XYLT1: variants seen among roughly 807,000 people sequenced by gnomAD.
XYLT1 encodes the protein xylosyltransferase 1, also known as beta-D-xylosyltransferase 1.
In XYLT1, 36 loss-of-function variants were observed where a neutral mutation model predicts 91.3. That is an observed-to-expected ratio of 0.39 (90% CI 0.30 to 0.52). The LOEUF (loss-of-function observed/expected upper bound fraction) is 0.52. XYLT1 is among the 20% of genes least tolerant of loss of function. The pLI, the probability that XYLT1 is intolerant of heterozygous loss-of-function variation, is 0.68. For synonymous variants in XYLT1, 588 were observed against 532.0 expected (o/e 1.11, Z -1.45); for missense variants, 1,242 against 1,284.5 (o/e 0.97, Z 0.51).
intron 6 of XYLT1, among the ~76,000 whole-genome samples, chr16:17,156,793 G>A (rs2031417872): frequency 6.6e-6 from 1 of 152,168 alleles, no homozygotes; most frequent in South Asian, 2.1e-4. Context: ...AATTTACAGA[G>A]CATCTTCAAG....
In XYLT1 at chr16:17,134,534, C is replaced by A. The variant is rs2141506845; in HGVS notation, c.1966G>T (p.Ala656Ser). The change falls in exon 9 of 12, where the codon GCC (alanine) becomes TCC (serine). Residue 656 changes from alanine to serine, a missense_variant. This residue lies in a region of XYLT1 where 511 missense variants were observed against 497.0 expected (regional missense o/e 1.03). Coordinates refer to ENST00000261381, the MANE Select transcript of XYLT1 (RefSeq NM_022166.4). ...TCGGCCCGTCGAAGACCCAGGCGGG[C>A]AAAGGAGTGGTACAAGGTGAGTGTC... Reference protein sequence around the residue: ...DVTLTLYHSFARLGLRRAETS... With the variant: ...DVTLTLYHSFSRLGLRRAETS... 1.2e-6 allele frequency: 2 copies of A among 1,614,152 alleles called. No individual in the cohort carries two copies. Among genetic ancestry groups the A allele is most frequent in the East Asian group, 4.5e-5 (2 of 44,882 alleles).
At chr16:17,254,532 T>G (rs1306741471) in intron 3 of XYLT1, among the ~76,000 whole-genome samples, 2 of 152,074 alleles carry the variant, frequency 1.3e-5, no homozygotes, top group African/African-American at 2.4e-5. Context: ...GTAGCTGGGA[T>G]TACAGGCATG....
At chr16:17,456,810 T>C (rs1053578480) in intron 1 of XYLT1, among the ~76,000 whole-genome samples, 2 of 152,226 alleles carry the variant, frequency 1.3e-5, no homozygotes, top group Non-Finnish European at 2.9e-5. Flanking sequence ...ACCCTCTCTA[T>C]GCCTCAATTT....
At chr16:17,366,440 A>G (rs1395160180) in intron 1 of XYLT1, among the ~76,000 whole-genome samples, 1 of 152,238 alleles carries the variant, frequency 6.6e-6, no homozygotes, top group Non-Finnish European at 1.5e-5. Flanking sequence ...TTGTGGCTCA[A>G]GCCTGTAATC....
rs75426053 is a variant in XYLT1, at chr16:17,416,579, C to T, written c.363+53855G>A. ...TGTGCAGCTAGGAGGCTGCCACGCACATCGGCAGACTCTGGCTTTCAAAAT... is the reference window on the plus strand; with the variant it reads ...TGTGCAGCTAGGAGGCTGCCACGCATATCGGCAGACTCTGGCTTTCAAAAT... On this transcript the variant is annotated intron_variant, in intron 1 of 11. Coordinates refer to ENST00000261381, the MANE Select transcript of XYLT1 (RefSeq NM_022166.4). Among the ~76,000 whole-genome samples, 5 of 152,330 alleles carry T rather than the reference C, an allele frequency of 3.3e-5. No individual in the cohort carries two copies. In the East Asian group the frequency reaches 7.7e-4, roughly 24 times the overall value.
intron 1 of XYLT1, among the ~76,000 whole-genome samples, chr16:17,383,887 A>G (rs2035714636): frequency 6.6e-6 from 1 of 151,532 alleles, no homozygotes; most frequent in Non-Finnish European, 1.5e-5. Context: ...AGCTGGGATT[A>G]TAGGTGCCCG....
At chr16:17,425,272 A>C (rs904681414) in intron 1 of XYLT1, among the ~76,000 whole-genome samples, 2 of 152,172 alleles carry the variant, frequency 1.3e-5, no homozygotes, top group Non-Finnish European at 2.9e-5. Flanking sequence ...CTGTGTGCTT[A>C]ACTCCCCACT....
intron 2 of XYLT1, among the ~76,000 whole-genome samples, chr16:17,295,642 C>T (rs2034298735): frequency 6.6e-6 from 1 of 152,200 alleles, no homozygotes; most frequent in South Asian, 2.1e-4. Context: ...AGGCGTGAGC[C>T]ACCACACCCG....
intron 3 of XYLT1, among the ~76,000 whole-genome samples, chr16:17,244,805 C>T (rs530667063): frequency 6.6e-6 from 1 of 152,270 alleles, no homozygotes; most frequent in Admixed American, 6.5e-5. Flanking sequence ...TGTGGTGTAT[C>T]CATACCCAGA....
At chr16:17,143,856 TCAC>T (rs1225288998) in intron 6 of XYLT1, among the ~76,000 whole-genome samples, 4 of 147,912 alleles carry the variant, frequency 2.7e-5, no homozygotes, top group African/African-American at 5.3e-5. Flanking sequence ...ACCATCATCA[TCAC>T]AATTTCCATT....
At chr16:17,183,800 C>G (rs1217298930) in intron 5 of XYLT1, among the ~76,000 whole-genome samples, 2 of 152,098 alleles carry the variant, frequency 1.3e-5, no homozygotes, top group Non-Finnish European at 2.9e-5. Context: ...AGGGTGGGAG[C>G]AAGGGAGAGA....
chr16:17,187,356 T>G (rs1157880593), intron 5 of XYLT1, among the ~76,000 whole-genome samples: 1 of 135,424 alleles, frequency 7.4e-6, no homozygotes, highest in Non-Finnish European at 1.5e-5. Flanking sequence ...ATCACGCCAT[T>G]GCACTCCAGC....
intron 2 of XYLT1, among the ~76,000 whole-genome samples, chr16:17,302,904 G>A (rs1258259682): frequency 6.6e-6 from 1 of 152,042 alleles, no homozygotes; most frequent in Non-Finnish European, 1.5e-5. Flanking sequence ...GTGAGGGGGA[G>A]AGAAAAGAGA....
intron 9 of XYLT1, among the ~76,000 whole-genome samples, chr16:17,131,018 G>T (rs2030449664): frequency 6.6e-6 from 1 of 151,994 alleles, no homozygotes; most frequent in South Asian, 2.1e-4. Flanking sequence ...TGGTTTACTT[G>T]TGCTTAGGTA....
chr16:17,263,352 G>A (rs1006575831), intron 2 of XYLT1, among the ~76,000 whole-genome samples: 2 of 151,994 alleles, frequency 1.3e-5, no homozygotes, highest in African/African-American at 4.8e-5. Context: ...TGTAATATCA[G>A]GAAGAGGCAC....
At chr16:17,467,168 G>A (rs911017011) in intron 1 of XYLT1, among the ~76,000 whole-genome samples, 5 of 152,168 alleles carry the variant, frequency 3.3e-5, no homozygotes, top group Non-Finnish European at 5.9e-5. Context: ...CGGCAGGCGG[G>A]GGGTGGGAAG....
chr16:17,199,541 T>C (rs915971151), intron 4 of XYLT1, among the ~76,000 whole-genome samples: 2 of 152,162 alleles, frequency 1.3e-5, no homozygotes, highest in African/African-American at 4.8e-5. Context: ...TAATCTTGAA[T>C]TGTAGCTCCC....
intron 1 of XYLT1, among the ~76,000 whole-genome samples, chr16:17,434,882 A>AAG (rs1555456980): frequency 1.3e-5 from 2 of 152,094 alleles, no homozygotes; most frequent in Admixed American, 6.5e-5. Context: ...AAAAAAAAAA[A>AAG]AAGAAGAAGA....
At chr16:17,334,378 C>T (rs1158401583) in intron 2 of XYLT1, among the ~76,000 whole-genome samples, 1 of 152,152 alleles carries the variant, frequency 6.6e-6, no homozygotes, top group Non-Finnish European at 1.5e-5. Flanking sequence ...CCCTTCTCTA[C>T]AGCCAGGGCC....
Sources: allele counts gnomAD v4.1 joint callset (sites outside exome capture counted in the v4.1 genomes callset), GRCh38; gene constraint gnomAD v4.1.1; regional missense constraint gnomAD v4.1.1; transcripts MANE v1.5; gene names NCBI Gene and HGNC (gene_info 2026-07-23, HGNC 2026-07-21).